Variants in FTO observed in about 807,000 individuals in gnomAD.
FTO encodes the protein alpha-ketoglutarate-dependent dioxygenase FTO.
A neutral mutation model predicts 63.9 loss-of-function variants in FTO; 47 were observed. The observed-to-expected ratio is 0.74, with a 90% confidence interval of 0.58 to 0.94. The LOEUF (loss-of-function observed/expected upper bound fraction) is 0.94, where lower values mean the gene tolerates loss of function less well. Ranked by LOEUF, FTO falls within the 40% of genes least tolerant of loss-of-function variation. FTO has a pLI of 0.00. For missense variants in FTO, 562 were observed against 618.1 expected, an observed-to-expected ratio of 0.91 and a Z score of 0.96; for synonymous variants, 207 against 224.4, an observed-to-expected ratio of 0.92 and a Z score of 0.69.
At position 53,844,293 on chromosome 16, in the gene FTO, T is replaced by C. The variant is rs1212754154; in HGVS notation, c.890T>C (p.Met297Thr). The change falls in exon 4 of 9, where the codon ATG (methionine) becomes ACG (threonine). Residue 297 changes from methionine (M) to threonine (T), a missense_variant. Transcript: ENST00000471389. ...CTTCACCAAGGAGACTGCTATTTCA[T>C]GCTTGGTAATCTTTGGAAAATCAAA... The part of the protein sequence containing the change: ...IPLHQGDCYF[M>T]LDDLNATHQH... 1.2e-6 allele frequency: 2 copies of C among 1,612,664 alleles called. No homozygotes were observed. The highest frequency in any genetic ancestry group is 8.5e-7 in the Non-Finnish European group (1 of 1,178,792).
chr16:54,002,882 AC>A (rs1438405556), intron 8 of FTO, among the ~76,000 whole-genome samples: 4 of 152,168 alleles, frequency 2.6e-5, no homozygotes, highest in African/African-American at 9.6e-5. Context: ...ATATAGAATT[AC>A]CCTAAAAAGC....
chr16:53,872,060 C>T (rs1356357599), intron 4 of FTO, among the ~76,000 whole-genome samples: 1 of 152,096 alleles, frequency 6.6e-6, no homozygotes, highest in Admixed American at 6.6e-5. Flanking sequence ...TAGTTTTAAG[C>T]CTTGCTAGGT....
At chr16:53,891,588 G>C (rs1413889609) in intron 7 of FTO, among the ~76,000 whole-genome samples, 1 of 152,128 alleles carries the variant, frequency 6.6e-6, no homozygotes, top group African/African-American at 2.4e-5. Context: ...TGGAGCCCAG[G>C]AGTTCAAGGC....
chr16:54,048,653 A>G (rs1215759225), intron 8 of FTO, among the ~76,000 whole-genome samples: 2 of 152,308 alleles, frequency 1.3e-5, no homozygotes, highest in East Asian at 1.9e-4. Context: ...TAACTCTGGC[A>G]TGCCATCCCA....
At chr16:53,792,251 A>T (rs552604218) in intron 1 of FTO, among the ~76,000 whole-genome samples, 1 of 152,186 alleles carries the variant, frequency 6.6e-6, no homozygotes, top group Non-Finnish European at 1.5e-5. Context: ...TTTCATCGCT[A>T]TTAGGCAAAA....
At chr16:53,768,477 T>C (rs2077261270) in intron 1 of FTO, among the ~76,000 whole-genome samples, 1 of 152,130 alleles carries the variant, frequency 6.6e-6, no homozygotes, top group South Asian at 2.1e-4. Context: ...GTGGCTTTTT[T>C]TGAGGTAGGG....
intron 8 of FTO, chr16:54,039,211 T>G (rs1355788854): frequency 6.6e-6 from 1 of 152,216 alleles, no homozygotes; most frequent in Non-Finnish European, 1.5e-5. Context: ...CTGCTGCTCT[T>G]TCTAGCATTT....
At chr16:53,973,066 CT>C (rs1200486774) in intron 8 of FTO, among the ~76,000 whole-genome samples, 56 of 152,308 alleles carry the variant, frequency 3.7e-4, no homozygotes, top group African/African-American at 1.3e-3. Flanking sequence ...TGCATTCTGG[CT>C]TGTTTGCATA....
intron 4 of FTO, among the ~76,000 whole-genome samples, chr16:53,869,373 G>C (rs757874165): frequency 2.6e-5 from 4 of 151,790 alleles, no homozygotes; most frequent in Non-Finnish European, 4.4e-5. Context: ...CCTAAGTGTA[G>C]GTTTTTTTCC....
intron 8 of FTO, among the ~76,000 whole-genome samples, chr16:54,062,038 C>T (rs1297107550): frequency 6.6e-6 from 1 of 152,168 alleles, no homozygotes; most frequent in Admixed American, 6.5e-5. Flanking sequence ...CAGAAACCTT[C>T]CTTCCAAGTA....
chr16:53,963,899 C>T (rs1027150455), intron 8 of FTO, among the ~76,000 whole-genome samples: 14 of 152,082 alleles, frequency 9.2e-5, no homozygotes, highest in Admixed American at 3.9e-4. Flanking sequence ...ATTACAGGCA[C>T]CCGCCACAAT....
rs1488609729 is a variant in FTO at position 54,118,851 on chromosome 16, A to G, written c.*6936A>G. On this transcript the variant is annotated 3_prime_UTR_variant, in exon 9 of 9. Coordinates refer to ENST00000471389, the MANE Select transcript of FTO (RefSeq NM_001080432.3). Reference sequence around the variant, plus strand: ...GCTAGCAGGTGGAGATAACATTTGGAAAAAGGCTTTGTAAATGCTAAAGTC... The same window carrying G: ...GCTAGCAGGTGGAGATAACATTTGGGAAAAGGCTTTGTAAATGCTAAAGTC... The G allele has an allele frequency of 1.3e-5, 2 of 152,214 alleles. No homozygotes were observed. The highest frequency in any genetic ancestry group is 1.3e-4 in the Admixed American group (2 of 15,272). 9.4% of individuals were successfully genotyped at this position (152,214 alleles called of 1,614,324 possible).
chr16:53,779,066 T>C (rs2077527916), intron 1 of FTO, among the ~76,000 whole-genome samples: 1 of 152,154 alleles, frequency 6.6e-6, no homozygotes, highest in Admixed American at 6.5e-5. Context: ...AGCCTTTGAT[T>C]GCTTTATTTG....
At chr16:53,875,803 G>A (rs184999610) in intron 5 of FTO, among the ~76,000 whole-genome samples, 160 of 152,292 alleles carry the variant, frequency 1.1e-3, no homozygotes, top group African/African-American at 3.8e-3. Context: ...AGATGCTTAT[G>A]GTCTAAAGAG....
chr16:53,839,778 TA>T (rs869234796), intron 3 of FTO, among the ~76,000 whole-genome samples: 5 of 42,222 alleles, frequency 1.2e-4, no homozygotes, highest in African/African-American at 4.1e-4. Context: ...TCTTTTTTTT[TA>T]TTTATTTATT....
At chr16:53,874,720 T>A (rs2080598036) in intron 5 of FTO, among the ~76,000 whole-genome samples, 1 of 152,190 alleles carries the variant, frequency 6.6e-6, no homozygotes, top group Non-Finnish European at 1.5e-5. Flanking sequence ...GGTCATTAAG[T>A]AGCTTTACCA....
intron 8 of FTO, among the ~76,000 whole-genome samples, chr16:54,032,439 C>T (rs1396096127): frequency 1.3e-5 from 2 of 152,020 alleles, no homozygotes; most frequent in Non-Finnish European, 2.9e-5. Context: ...ATTGGGAAGA[C>T]CTAAAGTGCA....
chr16:54,080,813 ATTTGCGTC>A (rs1264661797), intron 8 of FTO, among the ~76,000 whole-genome samples: 13 of 152,206 alleles, frequency 8.5e-5, no homozygotes, highest in African/African-American at 1.9e-4. Context: ...GGCCTGAAGC[ATTTGCGTC>A]AGTATTCTGC....
chr16:54,112,160 A>C lies in FTO; in HGVS notation c.*245A>C. On this transcript the variant is annotated 3_prime_UTR_variant, in exon 9 of 9. Transcript: ENST00000471389. ...CCCCCAAAATTGTTCAGATTATAAA[A>C]TGTGAGCCATTCAGCCCCCAAGGTC... 1 of 512,098 alleles carries C rather than the reference A, an allele frequency of 2.0e-6. No individual in the cohort carries two copies. The allele number at this position is 512,098 out of a possible 1,614,324, so 31.7% of individuals were successfully genotyped here.
Sources: gnomAD v4.1 joint callset for allele counts (sites outside exome capture counted in the v4.1 genomes callset) on GRCh38, gnomAD v4.1.1 for gene constraint, MANE v1.5 for transcripts, NCBI Gene and HGNC (gene_info 2026-07-23, HGNC 2026-07-21) for gene names.